SLC6A6: variants seen among roughly 807,000 people sequenced by gnomAD.
The protein encoded by SLC6A6 is sodium- and chloride-dependent taurine transporter.
A neutral mutation model predicts 68.8 loss-of-function variants in SLC6A6; 16 were observed. That is an observed-to-expected ratio of 0.23 (90% CI 0.16 to 0.35). SLC6A6 has a LOEUF of 0.35. Ranked by LOEUF, SLC6A6 falls within the 10% of genes least tolerant of loss-of-function variation. The pLI is 1.00. For missense variants in SLC6A6, 474 were observed against 802.8 expected (o/e 0.59, Z 4.95); for synonymous variants, 312 against 315.4 (o/e 0.99, Z 0.12).
chr3:14,446,977 G>C (rs943256001), intron 4 of SLC6A6, among the ~76,000 whole-genome samples: 2 of 152,040 alleles, frequency 1.3e-5, no homozygotes, highest in African/African-American at 4.8e-5. Context: ...TCAGTAATTA[G>C]ACTATCCATC....
chr3:14,478,406 A>G, intron 11 of SLC6A6, 60 bp from the exon 12 acceptor site: 1 of 984,814 alleles, frequency 1.0e-6, no homozygotes, highest in Non-Finnish European at 1.6e-6. Context: ...AGCTCTTTGT[A>G]TATGAAAGAA....
chr3:14,453,153 G>T lies in SLC6A6; in HGVS notation c.600-4797G>T, dbSNP rs188820846. Among the ~76,000 whole-genome samples the T allele has an allele frequency of 1.4e-3, 210 of 152,356 alleles. 5 individuals are homozygous for T. In the East Asian group the frequency reaches 0.034, roughly 25 times the overall value. On this transcript the variant is annotated intron_variant, in intron 5 of 14. Coordinates refer to ENST00000622186, the MANE Select transcript of SLC6A6 (RefSeq NM_003043.6). ...AGGGGAGAGCCATGGCCAATAAATG[G>T]CTGGCGTGCAGTCAAAAGGAAACGA...
At position 14,471,228 on chromosome 3, in the gene SLC6A6, C is replaced by T. The variant is rs562324370; in HGVS notation, c.1097-977C>T. On this transcript the variant is annotated intron_variant, in intron 9 of 14. Transcript: ENST00000622186. ...TCTCAGTTAACAATTAAATTATTTC[C>T]GTTGGCATCCGCTTTCAGGCAGGCT... is the stretch of plus-strand genomic sequence containing the variant. Among the ~76,000 whole-genome samples the T allele has an allele frequency of 8.0e-5, 12 of 150,618 alleles. No homozygotes were observed. The East Asian group carries it at 2.2e-3, about 27-fold the overall frequency.
intron 3 of SLC6A6, 30 bp downstream of exon 3, chr3:14,443,893 C>T (rs1700050395): frequency 1.3e-6 from 2 of 1,503,624 alleles, no homozygotes; most frequent in South Asian, 1.1e-5. Flanking sequence ...CAGGGGAGCC[C>T]ATCCAGTACA....
Position 14,484,860 on chromosome 3 carries a change from T to C in SLC6A6, c.1723-7T>C. 3 of 1,611,470 alleles carry C rather than the reference T, an allele frequency of 1.9e-6. No individual in the cohort carries two copies. Among genetic ancestry groups the C allele is most frequent in the Non-Finnish European group, 2.5e-6 (3 of 1,179,766 alleles). ...TTTCCCCCCTCACTCCTGTCATCCT[T>C]CTCCAGAGAGTCAAGTACCTGCTGA... On this transcript the variant is annotated splice_region_variant and splice_polypyrimidine_tract_variant and intron_variant, in intron 14 of 14. Transcript: ENST00000622186.
chr3:14,431,194 C>G (rs1488539791), intron 2 of SLC6A6, among the ~76,000 whole-genome samples: 2 of 152,182 alleles, frequency 1.3e-5, no homozygotes, highest in African/African-American at 4.8e-5. Flanking sequence ...CCTGGTCCAC[C>G]CTTCCCCACT....
chr3:14,426,049 G>T (rs926664669), intron 2 of SLC6A6, among the ~76,000 whole-genome samples: 1 of 152,154 alleles, frequency 6.6e-6, no homozygotes, highest in African/African-American at 2.4e-5. Flanking sequence ...CACCCGGTCC[G>T]TGAAAATACT....
intron 1 of SLC6A6, among the ~76,000 whole-genome samples, chr3:14,413,853 G>A (rs55920940): frequency 0.028 from 4,217 of 152,188 alleles, 199 homozygotes; most frequent in African/African-American, 0.092. Flanking sequence ...ATAAAATTAC[G>A]CAGCAAGTTC....
At chr3:14,448,799 G>A (rs186233987) in intron 5 of SLC6A6, among the ~76,000 whole-genome samples, 5 of 152,212 alleles carry the variant, frequency 3.3e-5, no homozygotes, top group African/African-American at 4.8e-5. Flanking sequence ...CTGATGTGTG[G>A]AGACATTCTT....
intron 14 of SLC6A6, among the ~76,000 whole-genome samples, chr3:14,482,320 C>T (rs1701027198): frequency 6.6e-6 from 1 of 152,222 alleles, no homozygotes. Context: ...TAGGATCATC[C>T]CAGCCCATGC....
chr3:14,411,620 C>T (rs1699253963), intron 1 of SLC6A6, among the ~76,000 whole-genome samples: 2 of 152,214 alleles, frequency 1.3e-5, no homozygotes, highest in African/African-American at 4.8e-5. Context: ...ATGGATGCTC[C>T]AGCATCCAGC....
At chr3:14,455,955 T>G (rs879432484) in intron 5 of SLC6A6, among the ~76,000 whole-genome samples, 2 of 152,168 alleles carry the variant, frequency 1.3e-5, no homozygotes, top group Non-Finnish European at 2.9e-5. Context: ...CTGAAGAGAT[T>G]GTTAAAATTT....
At chr3:14,466,765 A>C in intron 7 of SLC6A6, 115 bp downstream of exon 7, 1 of 1,009,498 alleles carries the variant, frequency 9.9e-7, no homozygotes, top group East Asian at 2.7e-5. Context: ...TTCAGTGCAC[A>C]GGTCTAGCTG....
At chr3:14,406,495 G>A (rs1353446769) in intron 1 of SLC6A6, among the ~76,000 whole-genome samples, 1 of 152,194 alleles carries the variant, frequency 6.6e-6, no homozygotes, top group Non-Finnish European at 1.5e-5. Flanking sequence ...AGCATTTTCT[G>A]TACCAATGAG....
intron 1 of SLC6A6, among the ~76,000 whole-genome samples, chr3:14,415,350 G>A (rs1045006434): frequency 7.9e-5 from 12 of 152,176 alleles, no homozygotes; most frequent in Admixed American, 2.6e-4. Context: ...GTAGGCTGCC[G>A]GGACTGGCAT....
At chr3:14,476,375 A>G (rs1200294251) in intron 10 of SLC6A6, among the ~76,000 whole-genome samples, 1 of 152,202 alleles carries the variant, frequency 6.6e-6, no homozygotes, top group Non-Finnish European at 1.5e-5. Flanking sequence ...AACAACCCCC[A>G]AGATAAATGG....
intron 1 of SLC6A6, among the ~76,000 whole-genome samples, chr3:14,405,453 G>A (rs975697998): frequency 1.3e-5 from 2 of 152,204 alleles, no homozygotes; most frequent in East Asian, 3.8e-4. Flanking sequence ...ACACATTCCC[G>A]TATATAGAAA....
intron 2 of SLC6A6, among the ~76,000 whole-genome samples, chr3:14,426,347 G>C (rs1335425443): frequency 6.6e-6 from 1 of 152,162 alleles, no homozygotes; most frequent in Admixed American, 6.6e-5. Flanking sequence ...CCATCCCAAA[G>C]GGTGGCTGGT....
At chr3:14,447,365 CT>C (rs1476301842) in intron 4 of SLC6A6, among the ~76,000 whole-genome samples, 4 of 152,172 alleles carry the variant, frequency 2.6e-5, no homozygotes, top group South Asian at 2.1e-4. Flanking sequence ...TCTATCCCCC[CT>C]GCCCCCTGCC....
Sources: gnomAD v4.1 joint callset for allele counts (sites outside exome capture counted in the v4.1 genomes callset) on GRCh38, gnomAD v4.1.1 for gene constraint, MANE v1.5 for transcripts, NCBI Gene and HGNC (gene_info 2026-07-23, HGNC 2026-07-21) for gene names.